The following DOCK8 variants were observed in gnomAD, a reference collection of about 807,000 sequenced individuals.
The protein encoded by DOCK8 is dedicator of cytokinesis protein 8.
In DOCK8, 141 loss-of-function variants were observed where a neutral mutation model predicts 245.6. That is an observed-to-expected ratio of 0.57 (90% CI 0.50 to 0.66). The LOEUF (loss-of-function observed/expected upper bound fraction) is 0.66, where lower values mean the gene tolerates loss of function less well. Among genes scored for constraint, DOCK8 ranks in the 30% least tolerant of loss-of-function variants. DOCK8 has a pLI of 0.00. For missense variants in DOCK8, 2,965 were observed against 2,603.4 expected, an observed-to-expected ratio of 1.14 and a Z score of -3.02; for synonymous variants, 1,168 against 970.2, an observed-to-expected ratio of 1.20 and a Z score of -3.79.
At chr9:400,827 TCACCATCACCACCACCTC>T (rs1564015667) in intron 26 of DOCK8, among the ~76,000 whole-genome samples, 1 of 3,096 alleles carries the variant, frequency 3.2e-4, no homozygotes, top group Non-Finnish European at 5.3e-4. Context: ...ACCTCCACCA[TCACCATCACCACCACCTC>T]CACCATCACC....
intron 23 of DOCK8, among the ~76,000 whole-genome samples, chr9:387,280 T>A (rs1011840709): frequency 6.6e-6 from 1 of 152,000 alleles, no homozygotes; most frequent in African/African-American, 2.4e-5. Context: ...CCCCTCCTAC[T>A]AAAGATACAA....
At chr9:226,415 G>A (rs1244849353) in intron 1 of DOCK8, among the ~76,000 whole-genome samples, 1 of 152,164 alleles carries the variant, frequency 6.6e-6, no homozygotes, top group African/African-American at 2.4e-5. Flanking sequence ...GGTTTATGGA[G>A]CAGGGCATGA....
intron 26 of DOCK8, among the ~76,000 whole-genome samples, chr9:400,263 C>T (rs1220419958): frequency 5.3e-5 from 5 of 94,592 alleles, no homozygotes; most frequent in Non-Finnish European, 1.1e-4. Context: ...TCACCACCAC[C>T]TCCACCATCA....
At chr9:382,389 C>T in intron 21 of DOCK8, 124 bp from the exon 22 acceptor site, 1 of 1,347,732 alleles carries the variant, frequency 7.4e-7, no homozygotes. Context: ...GTTAAGAAGT[C>T]TCTAATTCCA....
chr9:313,016 T>G (rs2050193383), intron 6 of DOCK8: 1 of 152,810 alleles, frequency 6.5e-6, no homozygotes, highest in African/African-American at 2.4e-5. Context: ...ATTCGATCCT[T>G]GGATTAAGTG....
chr9:274,536 A>G (rs1372786721), intron 2 of DOCK8, among the ~76,000 whole-genome samples: 2 of 142,922 alleles, frequency 1.4e-5, no homozygotes, highest in East Asian at 2.0e-4. Flanking sequence ...ATCCATCTCC[A>G]TAATGTTTAC....
chr9:433,243 C>G (rs904106982), intron 37 of DOCK8, among the ~76,000 whole-genome samples: 13 of 152,170 alleles, frequency 8.5e-5, no homozygotes, highest in African/African-American at 2.4e-4. Context: ...TGCCTTCACC[C>G]AATGAAATGA....
chr9:449,800 T>A lies in DOCK8; in HGVS notation c.5834T>A (p.Ile1945Asn). ...CATGTTCAGTTTGTTTTGACACCGA[T>A]TGAAGTTGCCATTGAAGACATGAAG... The part of the protein sequence containing the change: ...IQKEEFVLTP[I>N]EVAIEDMKKK... The change falls in exon 45 of 48, where the codon ATT becomes AAT. Residue 1945 changes from isoleucine to asparagine, a missense_variant. Physicochemically the swap from Ile to Asn is moderately radical, Grantham distance 149 (BLOSUM62 -3). Transcript: ENST00000432829. 6.2e-7 allele frequency: 1 copy of A among 1,613,002 alleles called. No homozygotes were observed. The highest frequency in any genetic ancestry group is 8.5e-7 in the Non-Finnish European group (1 of 1,180,012).
intron 1 of DOCK8, among the ~76,000 whole-genome samples, chr9:225,975 A>G (rs1170293635): frequency 1.3e-5 from 2 of 152,236 alleles, no homozygotes; most frequent in Non-Finnish European, 2.9e-5. Context: ...GAGGGAAGTT[A>G]GCAAAGAACG....
At chr9:233,851 A>G (rs1200576676) in intron 1 of DOCK8, among the ~76,000 whole-genome samples, 1 of 152,030 alleles carries the variant, frequency 6.6e-6, no homozygotes, top group Non-Finnish European at 1.5e-5. Flanking sequence ...CTCTTTATCC[A>G]ATTTGCCAGT....
chr9:243,995 T>C (rs565768134), intron 1 of DOCK8, among the ~76,000 whole-genome samples: 30 of 151,898 alleles, frequency 2.0e-4, no homozygotes, highest in African/African-American at 3.9e-4. Flanking sequence ...CCATCCTGGC[T>C]AACATGGTGA....
chr9:257,588 C>T (rs2047810241), intron 1 of DOCK8, among the ~76,000 whole-genome samples: 2 of 152,160 alleles, frequency 1.3e-5, no homozygotes, highest in South Asian at 4.1e-4. Context: ...GGCGCGATCT[C>T]GGCTCACTGC....
intron 28 of DOCK8, among the ~76,000 whole-genome samples, chr9:408,289 T>G (rs10732360): frequency 0.96 from 145,690 of 152,300 alleles, 69,725 homozygotes; most frequent in East Asian, 1. Flanking sequence ...TGTCCCAAGC[T>G]ATGTACCCAG....
At chr9:271,179 T>A (rs1222163386) in intron 1 of DOCK8, among the ~76,000 whole-genome samples, 1 of 152,216 alleles carries the variant, frequency 6.6e-6, no homozygotes, top group Non-Finnish European at 1.5e-5. Flanking sequence ...TCTCTGGTGT[T>A]CTCTGTTGTA....
intron 20 of DOCK8, among the ~76,000 whole-genome samples, chr9:377,719 A>T (rs940337647): frequency 6.6e-6 from 1 of 152,222 alleles, no homozygotes; most frequent in Non-Finnish European, 1.5e-5. Context: ...ATCTAGTTTT[A>T]TAACATTTTC....
intron 26 of DOCK8, 63 bp from the exon 27 acceptor site, chr9:404,855 C>T: frequency 1.9e-6 from 3 of 1,584,536 alleles, no homozygotes; most frequent in South Asian, 2.2e-5. Context: ...TTTGTGTCTG[C>T]CAACCTCAAC....
rs2130294250 is a variant in DOCK8 at position 286,573 on chromosome 9, A to T, written c.269A>T (p.Asp90Val). 6.2e-7 allele frequency: 1 copy of T among 1,613,996 alleles called. No individual in the cohort carries two copies. The highest frequency in any genetic ancestry group is 2.2e-5 in the East Asian group (1 of 44,866). ...GAGCTCGGGGACTTCACTGATGACG[A>T]CTTGGACGTGGTGTTCACGCCAAAG... Reference protein sequence around the residue: ...AQELGDFTDDDLDVVFTPKEC... With the variant: ...AQELGDFTDDVLDVVFTPKEC... Residue 90 changes from aspartate to valine, a missense_variant, in exon 3 of 48, where the codon GAC becomes GTC. Asp to Val is a radical substitution (Grantham distance 152). Around this residue, in one of 3 missense-constraint regions of DOCK8, gnomAD observed 2,825 missense variants for 2,453.5 expected, o/e 1.15. Coordinates refer to ENST00000432829, the MANE Select transcript of DOCK8 (RefSeq NM_203447.4).
intron 2 of DOCK8, among the ~76,000 whole-genome samples, chr9:280,493 G>C (rs189278720): frequency 2.0e-5 from 3 of 152,178 alleles, no homozygotes; most frequent in African/African-American, 7.2e-5. Flanking sequence ...TTAAAAGTCC[G>C]CAGGGCAGAT....
chr9:403,866 CT>C (rs1564020839), intron 26 of DOCK8, among the ~76,000 whole-genome samples: 2 of 49,858 alleles, frequency 4.0e-5, no homozygotes. Flanking sequence ...GTATCTCTCT[CT>C]CTCTCTCTCT....
Sources: allele counts gnomAD v4.1 joint callset (sites outside exome capture counted in the v4.1 genomes callset), GRCh38; gene constraint gnomAD v4.1.1; regional missense constraint gnomAD v4.1.1; transcripts MANE v1.5; gene names NCBI Gene and HGNC (gene_info 2026-07-23, HGNC 2026-07-21).